Variants in AFF1 observed in about 807,000 individuals in gnomAD.
The protein encoded by AFF1 is ALF transcription elongation factor 1.
AFF1 carries 48 observed loss-of-function variants against 121.7 expected under a neutral mutation model. That is an observed-to-expected ratio of 0.39 (90% CI 0.31 to 0.50). AFF1 has a LOEUF of 0.50. Among genes scored for constraint, AFF1 ranks in the 20% least tolerant of loss-of-function variants. The pLI, the probability that AFF1 is intolerant of heterozygous loss-of-function variation, is 0.76. For synonymous variants in AFF1, 613 were observed against 563.0 expected (o/e 1.09, Z -1.26); for missense variants, 1,523 against 1,511.7 (o/e 1.01, Z -0.12).
intron 2 of AFF1, among the ~76,000 whole-genome samples, chr4:86,978,847 C>G (rs1465967385): frequency 1.3e-5 from 2 of 152,216 alleles, no homozygotes; most frequent in African/African-American, 4.8e-5. Flanking sequence ...TAGTCTGTCT[C>G]TGCTTTTCCC....
At chr4:87,040,740 T>A (rs1250098054) in intron 2 of AFF1, among the ~76,000 whole-genome samples, 1 of 151,506 alleles carries the variant, frequency 6.6e-6, no homozygotes, top group Admixed American at 6.6e-5. Flanking sequence ...CAGCTAATTT[T>A]TTGTATTTTT....
chr4:87,072,232 G>A (rs562871414), intron 4 of AFF1, among the ~76,000 whole-genome samples: 2 of 151,746 alleles, frequency 1.3e-5, no homozygotes, highest in South Asian at 2.1e-4. Flanking sequence ...GCCTGGTGGC[G>A]GGCGCCTGTA....
At chr4:87,085,948 AG>A (rs1723687195) in intron 5 of AFF1, among the ~76,000 whole-genome samples, 1 of 152,078 alleles carries the variant, frequency 6.6e-6, no homozygotes, top group Non-Finnish European at 1.5e-5. Flanking sequence ...CATCTTGGCC[AG>A]GCTGGTCTCA....
intron 2 of AFF1, among the ~76,000 whole-genome samples, chr4:86,953,726 C>CTT (rs34118799): frequency 2.7e-5 from 4 of 148,572 alleles, no homozygotes; most frequent in Non-Finnish European, 6.0e-5. Context: ...TTTCTTTTTT[C>CTT]TTTTTTTTTT....
At position 87,140,094 on chromosome 4, in the gene AFF1, C is replaced by CCT. The variant is rs1729603289; in HGVS notation, c.*4394_*4395dup. On this transcript the variant is annotated 3_prime_UTR_variant, in exon 21 of 21. Coordinates refer to ENST00000395146, the MANE Select transcript of AFF1 (RefSeq NM_001166693.3). ...GGGAAACCCTACAGCTCCTTGTGAG[C>CCT]CTATATATTAGTATATCGGCCTGGA... is the stretch of plus-strand genomic sequence containing the variant. 1 of 204,736 alleles carries CCT rather than the reference C, an allele frequency of 4.9e-6. No homozygotes were observed. Among genetic ancestry groups the CCT allele is most frequent in the South Asian group, 1.9e-4 (1 of 5,268 alleles). 12.7% of individuals were successfully genotyped at this position (204,736 alleles called of 1,614,324 possible).
At chr4:86,935,687 C>T (rs1719919352) in intron 1 of AFF1, 1 of 152,148 alleles carries the variant, frequency 6.6e-6, no homozygotes, top group Non-Finnish European at 1.5e-5. Flanking sequence ...GGACCCTTCC[C>T]TGTGCCTGTC....
intron 2 of AFF1, among the ~76,000 whole-genome samples, chr4:87,038,685 C>T (rs1729803912): frequency 6.6e-6 from 1 of 152,210 alleles, no homozygotes; most frequent in Admixed American, 6.5e-5. Flanking sequence ...ATTTGTTGCT[C>T]TATCCTTTGT....
intron 1 of AFF1, among the ~76,000 whole-genome samples, chr4:86,941,525 G>C (rs1232872250): frequency 6.6e-6 from 1 of 152,098 alleles, no homozygotes; most frequent in South Asian, 2.1e-4. Flanking sequence ...CGGCGTGGTA[G>C]CACATGCCTG....
intron 8 of AFF1, among the ~76,000 whole-genome samples, chr4:87,096,069 C>T (rs968144534): frequency 6.6e-6 from 1 of 152,066 alleles, no homozygotes; most frequent in African/African-American, 2.4e-5. Flanking sequence ...AAATGTGGGT[C>T]TGGGTTAAGT....
intron 2 of AFF1, among the ~76,000 whole-genome samples, chr4:86,982,461 T>C (rs376134094): frequency 5.9e-4 from 86 of 145,370 alleles, no homozygotes; most frequent in African/African-American, 2.1e-3. Context: ...CAAATTTATA[T>C]GTTGAAATTC....
chr4:87,009,204 G>C (rs992215690), intron 2 of AFF1, among the ~76,000 whole-genome samples: 13 of 152,232 alleles, frequency 8.5e-5, no homozygotes, highest in Non-Finnish European at 1.2e-4. Flanking sequence ...AAATGGGTAA[G>C]TACTTTTATT....
chr4:86,949,325 C>G (rs2594280), intron 2 of AFF1, among the ~76,000 whole-genome samples: 141,084 of 149,948 alleles, frequency 0.94, 66,840 homozygotes, highest in Non-Finnish European at 1. Flanking sequence ...ATGTTGACCA[C>G]GCTGGTCTCT....
chr4:87,091,769 T>C (rs375682997), intron 6 of AFF1, 24 bp from the exon 7 acceptor site: 3 of 1,443,260 alleles, frequency 2.1e-6, no homozygotes, highest in Non-Finnish European at 2.8e-6. Flanking sequence ...TTTTAATAAT[T>C]AGATATTTTT....
intron 5 of AFF1, among the ~76,000 whole-genome samples, chr4:87,087,920 G>A (rs943313262): frequency 2.6e-5 from 4 of 152,202 alleles, no homozygotes; most frequent in African/African-American, 9.7e-5. Flanking sequence ...GTATTACCAA[G>A]TAAATAAAAC....
At chr4:87,073,382 T>C (rs1275050154) in intron 4 of AFF1, among the ~76,000 whole-genome samples, 3 of 151,570 alleles carry the variant, frequency 2.0e-5, no homozygotes, top group Non-Finnish European at 4.4e-5. Flanking sequence ...ATTTGCCTTC[T>C]CTCTTTTGCG....
intron 5 of AFF1, among the ~76,000 whole-genome samples, chr4:87,087,263 A>AGACAGAGTGCTTGCTTTCATG (rs1723833927): frequency 6.6e-6 from 1 of 152,262 alleles, no homozygotes; most frequent in African/African-American, 2.4e-5. Context: ...GTAGTGAATA[A>AGACAGAGTGCTTGCTTTCATG]GACAGAGTGC....
intron 2 of AFF1, among the ~76,000 whole-genome samples, chr4:86,998,941 G>A (rs567286895): frequency 1.3e-5 from 2 of 152,272 alleles, no homozygotes; most frequent in South Asian, 4.1e-4. Flanking sequence ...TCTCTAGTTT[G>A]GATGATTGGT....
intron 2 of AFF1, among the ~76,000 whole-genome samples, chr4:86,996,728 AAAC>A (rs1379671330): frequency 1.7e-5 from 2 of 120,424 alleles, no homozygotes; most frequent in Admixed American, 7.5e-5. Context: ...CAATTAAAAC[AAAC>A]AAACAAACAA....
At chr4:86,967,801 T>G (rs1182480008) in intron 2 of AFF1, among the ~76,000 whole-genome samples, 2 of 152,296 alleles carry the variant, frequency 1.3e-5, no homozygotes, top group Non-Finnish European at 2.9e-5. Flanking sequence ...AGTCCAGGTT[T>G]GAAATGCCTG....
Sources: allele counts gnomAD v4.1 joint callset (sites outside exome capture counted in the v4.1 genomes callset), GRCh38; gene constraint gnomAD v4.1.1; transcripts MANE v1.5; gene names NCBI Gene and HGNC (gene_info 2026-07-23, HGNC 2026-07-21).